Variants in SEPTIN4 observed in about 807,000 individuals in gnomAD.
SEPTIN4 encodes the protein septin 4.
In SEPTIN4, 52 loss-of-function variants were observed where a neutral mutation model predicts 107.1. The ratio of observed to expected loss-of-function variants is 0.49; its 90% CI spans 0.39 to 0.61. The LOEUF (loss-of-function observed/expected upper bound fraction) is 0.61, where lower values mean the gene tolerates loss of function less well. SEPTIN4 is among the 20% of genes least tolerant of loss of function. The pLI is 0.00. For synonymous variants in SEPTIN4, 417 were observed against 467.0 expected (o/e 0.89, Z 1.38); for missense variants, 1,048 against 1,243.5 (o/e 0.84, Z 2.36).
At position 58,543,578 on chromosome 17, in the gene SEPTIN4, T is replaced by A; in HGVS notation, c.609A>T (p.Gln203His). The change falls in exon 1 of 14, where the codon CAA (glutamine) becomes CAT (histidine). Residue 203 changes from glutamine to histidine, a missense_variant. By Grantham distance (24) the Gln-to-His change is conservative. This residue lies in a region of SEPTIN4 where 787 missense variants were observed against 871.8 expected (regional missense o/e 0.90). Transcript: ENST00000672673. ...ILSYPKDEAV[Q>H]TEPIQRITTT... ...TCGTAATTCTTTGGATGGGCTCAGT[T>A]TGTACTGCTTCATCCTTTGGGTAAG... 6.2e-7 allele frequency: 1 copy of A among 1,614,174 alleles called. No homozygotes were observed.
intron 3 of SEPTIN4, 78 bp downstream of exon 3, chr17:58,540,588 A>G (rs2043852490): frequency 1.7e-6 from 2 of 1,182,744 alleles, no homozygotes; most frequent in South Asian, 4.9e-5. Context: ...GCCCACTCCC[A>G]TTACAGGACA....
rs202197101 is a variant in SEPTIN4 at position 58,527,277 on chromosome 17, C to G, written c.1615-299G>C. 1.2e-5 allele frequency: 7 copies of G among 573,538 alleles called. No homozygotes were observed. The East Asian group carries it at 2.5e-4, about 21-fold the overall frequency. 35.5% of individuals were successfully genotyped at this position (573,538 alleles called of 1,614,324 possible). On this transcript the variant is annotated intron_variant, in intron 3 of 13. Coordinates refer to ENST00000672673, the MANE Select transcript of SEPTIN4 (RefSeq NM_001368771.2). Reference sequence around the variant, plus strand: ...AACTAAGGAACTCCAGTTCTGGTCTCCTTCTCAGCAGCATGTTTTTTGAGG... The same window carrying G: ...AACTAAGGAACTCCAGTTCTGGTCTGCTTCTCAGCAGCATGTTTTTTGAGG...
intron 3 of SEPTIN4, chr17:58,528,070 A>G (rs2043125218): frequency 2.0e-6 from 2 of 980,542 alleles, no homozygotes; most frequent in African/African-American, 3.5e-5. Flanking sequence ...TCTGCCTCAC[A>G]ATACCCACGT....
At position 58,543,402 on chromosome 17, in the gene SEPTIN4, G is replaced by A; in HGVS notation, c.785C>T (p.Ala262Val). The A allele has an allele frequency of 6.2e-7, 1 of 1,614,106 alleles. No individual in the cohort carries two copies. The highest frequency in any genetic ancestry group is 8.5e-7 in the Non-Finnish European group (1 of 1,179,986). ...PYGPIPSKPK[A>V]LYRNMNLDSL... is the part of the protein sequence containing the mutation. The stretch of plus-strand genomic sequence containing the variant: ...GTCCAAGTTCATATTCCTATACAAG[G>A]CCTTGGGTTTTGAAGGAATTGGACC... The change falls in exon 1 of 14, where the codon GCC becomes GTC. Residue 262 changes from alanine to valine, a missense_variant. This residue lies in a region of SEPTIN4 where 787 missense variants were observed against 871.8 expected (regional missense o/e 0.90). Coordinates refer to ENST00000672673, the MANE Select transcript of SEPTIN4 (RefSeq NM_001368771.2).
At chr17:58,535,448 A>T (rs1374116265) in intron 3 of SEPTIN4, among the ~76,000 whole-genome samples, 1 of 152,208 alleles carries the variant, frequency 6.6e-6, no homozygotes, top group Non-Finnish European at 1.5e-5. Context: ...CAGATGTCTG[A>T]AGGCTCCCCT....
Position 58,521,517 on chromosome 17 carries a change from G to T in SEPTIN4, c.2571+28C>A, listed in dbSNP as rs768235973. The T allele has an allele frequency of 1.9e-6, 3 of 1,608,954 alleles. No homozygotes were observed. In the South Asian group the frequency reaches 3.3e-5, roughly 18 times the overall value. On this transcript the variant is annotated intron_variant, in intron 10 of 13. Transcript: ENST00000672673. This position sits in a 1 kb window ranked among gnomAD's most constrained non-coding sequence, Gnocchi z 6.4. ...TTTTCTACCCGGAAGAAATAAGATA[G>T]GAATGGGATGCCCTAGAGTGGCCCC...
Position 58,521,478 on chromosome 17 carries a change from G to T in SEPTIN4, c.2571+67C>A, listed in dbSNP as rs1346193797. 6.3e-7 allele frequency: 1 copy of T among 1,584,960 alleles called. No homozygotes were observed. The highest frequency in any genetic ancestry group is 8.7e-7 in the Non-Finnish European group (1 of 1,154,272). The stretch of plus-strand genomic sequence containing the variant: ...TTCCCACCCTGATAGCCTGAATATA[G>T]AATTCTACTCCCTTTTTCTACCCGG... On this transcript the variant is annotated intron_variant, in intron 10 of 13. Transcript: ENST00000672673. This position sits in a 1 kb window ranked among gnomAD's most constrained non-coding sequence, Gnocchi z 6.4.
At chr17:58,529,318 C>T (rs1326664006) in intron 3 of SEPTIN4, 9 of 1,526,232 alleles carry the variant, frequency 5.9e-6, no homozygotes, top group Non-Finnish European at 7.9e-6. Flanking sequence ...CTCTTTGACC[C>T]CCTTCTGTCT....
chr17:58,539,068 C>T (rs915428316), intron 3 of SEPTIN4: 5 of 1,333,228 alleles, frequency 3.8e-6, no homozygotes, highest in Non-Finnish European at 5.1e-6. Flanking sequence ...GCCTAGCTCT[C>T]TCATGCATTA....
In SEPTIN4 at chr17:58,525,863, G is replaced by C. The variant is rs933504745; in HGVS notation, c.2006-82C>G. ...GCAACTCCACTGGATCAAGGTTTAGGGGGGACTGCTTTCTTATCTAATTGG... is the reference window on the plus strand; with the variant it reads ...GCAACTCCACTGGATCAAGGTTTAGCGGGGACTGCTTTCTTATCTAATTGG... On this transcript the variant is annotated intron_variant, in intron 5 of 13. Transcript: ENST00000672673. 32 of 1,191,196 alleles carry C rather than the reference G, an allele frequency of 2.7e-5. No homozygotes were observed. The Admixed American group carries it at 5.2e-4, about 19-fold the overall frequency. 73.8% of individuals were successfully genotyped at this position (1,191,196 alleles called of 1,614,324 possible). A position where few individuals can be genotyped will look rare whatever the true frequency, so the allele number is the denominator to read the frequency against.
intron 7 of SEPTIN4, among the ~76,000 whole-genome samples, chr17:58,523,391 G>A (rs555984661): frequency 5.2e-4 from 79 of 150,828 alleles, no homozygotes; most frequent in Non-Finnish European, 1.0e-3. Context: ...AAAAAGAAAG[G>A]AGGAAGGAGA....
At chr17:58,524,757 G>C in intron 7 of SEPTIN4, 1 of 232,324 alleles carries the variant, frequency 4.3e-6, no homozygotes, top group Non-Finnish European at 8.6e-6. Flanking sequence ...TTGTAGAGAT[G>C]GGATCTTACT....
chr17:58,528,008 T>G, intron 3 of SEPTIN4: 1 of 985,386 alleles, frequency 1.0e-6, no homozygotes, highest in South Asian at 4.7e-5. Context: ...GATTCTCCTC[T>G]CCTTTGGGGG....
At chr17:58,522,172 G>A in intron 7 of SEPTIN4, 71 bp from the exon 8 acceptor site, 2 of 1,582,820 alleles carry the variant, frequency 1.3e-6, no homozygotes, top group Non-Finnish European at 1.7e-6. Context: ...GGACTACAGA[G>A]AAGTAGCCCA....
intron 3 of SEPTIN4, among the ~76,000 whole-genome samples, chr17:58,535,514 CTAACA>C (rs1482209474): frequency 6.6e-6 from 1 of 152,230 alleles, no homozygotes; most frequent in Non-Finnish European, 1.5e-5. Context: ...TTCACTGATT[CTAACA>C]ACTGCCCTTC....
chr17:58,540,807 C>G, intron 2 of SEPTIN4, 134 bp from the exon 3 acceptor site: 1 of 932,864 alleles, frequency 1.1e-6, no homozygotes, highest in South Asian at 3.5e-5. Context: ...CCAATCCCTT[C>G]CTAGTGCAAG....
intron 3 of SEPTIN4, chr17:58,530,729 C>A (rs548996050): frequency 9.8e-5 from 15 of 152,610 alleles, no homozygotes; most frequent in African/African-American, 3.6e-4. Flanking sequence ...CTAGAACAAT[C>A]AGTCCATCCA....
intron 3 of SEPTIN4, chr17:58,539,349 A>G: frequency 1.9e-6 from 1 of 533,234 alleles, no homozygotes; most frequent in South Asian, 2.6e-5. Context: ...CTGCTCAGTC[A>G]AAAACATCAA....
At chr17:58,529,513 C>CACCA (rs1248826936) in intron 3 of SEPTIN4, 1 of 797,370 alleles carries the variant, frequency 1.3e-6, no homozygotes, top group African/African-American at 1.9e-5. Flanking sequence ...GTGGGCACAG[C>CACCA]ACCAACCTCC....
Sources: gnomAD v4.1 joint callset for allele counts (sites outside exome capture counted in the v4.1 genomes callset) on GRCh38, gnomAD v4.1.1 for gene constraint, gnomAD v4.1.1 regional missense constraint, Gnocchi (gnomAD v3.1) non-coding constraint, MANE v1.5 for transcripts, NCBI Gene and HGNC (gene_info 2026-07-23, HGNC 2026-07-21) for gene names.